Variants in TMCO4 observed in about 807,000 individuals in gnomAD.
The protein encoded by TMCO4 is transmembrane and coiled-coil domains 4, also known as transmembrane and coiled-coil domain-containing protein 4.
TMCO4 carries 58 observed loss-of-function variants against 64.7 expected under a neutral mutation model. The observed-to-expected ratio is 0.90, with a 90% CI of 0.73 to 1.12. The LOEUF is 1.12. Ranked by LOEUF, TMCO4 falls within the 50% of genes most tolerant of loss-of-function variation. The pLI is 0.00. For synonymous variants in TMCO4, 325 were observed against 346.1 expected (o/e 0.94, Z 0.68); for missense variants, 780 against 825.9 (o/e 0.94, Z 0.68).
intron 13 of TMCO4, among the ~76,000 whole-genome samples, chr1:19,735,224 G>A (rs1274270892): frequency 6.6e-6 from 1 of 152,192 alleles, no homozygotes; most frequent in East Asian, 1.9e-4. Flanking sequence ...CATTTACTGA[G>A]TGTACCCAAA....
At chr1:19,699,817 C>A (rs2095259922) in intron 14 of TMCO4, among the ~76,000 whole-genome samples, 1 of 152,216 alleles carries the variant, frequency 6.6e-6, no homozygotes, top group South Asian at 2.1e-4. Context: ...CACACATACA[C>A]ACATGTACAC....
intron 4 of TMCO4, among the ~76,000 whole-genome samples, chr1:19,773,571 G>C (rs1232449318): frequency 1.3e-5 from 2 of 152,174 alleles, no homozygotes; most frequent in African/African-American, 2.4e-5. Context: ...GACAGCTCAG[G>C]GCTGTGCTGG....
chr1:19,694,894 G>C (rs538561063), intron 14 of TMCO4, among the ~76,000 whole-genome samples: 22 of 152,338 alleles, frequency 1.4e-4, no homozygotes, highest in African/African-American at 4.6e-4. Context: ...GAGGAATCTG[G>C]ATAAAGTTCT....
intron 6 of TMCO4, 102 bp from the exon 7 acceptor site, chr1:19,755,868 T>G: frequency 7.3e-7 from 1 of 1,370,514 alleles, no homozygotes; most frequent in South Asian, 1.3e-5. Flanking sequence ...ACAGCCTAAA[T>G]GTACAACCCC....
At chr1:19,797,652 C>T (rs1471834296) in intron 2 of TMCO4, among the ~76,000 whole-genome samples, 3 of 151,978 alleles carry the variant, frequency 2.0e-5, no homozygotes, top group East Asian at 1.9e-4. Flanking sequence ...GGGCAGATCA[C>T]GAGGTCAGGA....
intron 7 of TMCO4, among the ~76,000 whole-genome samples, chr1:19,754,163 T>C (rs1238184895): frequency 6.6e-6 from 1 of 152,236 alleles, no homozygotes; most frequent in Non-Finnish European, 1.5e-5. Context: ...CCTTCTGGTT[T>C]ATATCTTCCC....
chr1:19,778,811 T>A (rs1266446), intron 4 of TMCO4, among the ~76,000 whole-genome samples: 30,144 of 152,100 alleles, frequency 0.2, 3,224 homozygotes, highest in South Asian at 0.34. Flanking sequence ...ATCTTTGCTA[T>A]ACTGAGCTGT....
At chr1:19,777,026 C>CAAAAAAAAAAA (rs59722797) in intron 4 of TMCO4, among the ~76,000 whole-genome samples, 25 of 82,756 alleles carry the variant, frequency 3.0e-4, no homozygotes, top group South Asian at 4.4e-4. Context: ...GACACTGTCT[C>CAAAAAAAAAAA]AAAAAAAAAA....
At chr1:19,697,195 C>T (rs1274263267) in intron 14 of TMCO4, among the ~76,000 whole-genome samples, 1 of 152,190 alleles carries the variant, frequency 6.6e-6, no homozygotes, top group Non-Finnish European at 1.5e-5. Context: ...CTATAGCCAT[C>T]CTTTCAAAAT....
At chr1:19,782,133 A>T (rs1056936739) in intron 3 of TMCO4, among the ~76,000 whole-genome samples, 3 of 152,254 alleles carry the variant, frequency 2.0e-5, no homozygotes, top group Non-Finnish European at 4.4e-5. Flanking sequence ...CTTCATTCAC[A>T]ATAGTCCCAA....
At chr1:19,778,099 G>C (rs1295917467) in intron 4 of TMCO4, among the ~76,000 whole-genome samples, 1 of 152,100 alleles carries the variant, frequency 6.6e-6, no homozygotes, top group Non-Finnish European at 1.5e-5. Flanking sequence ...AGTAAGTGTG[G>C]TATTATCTTC....
At chr1:19,716,165 T>TATTATTATTA (rs148511891) in intron 13 of TMCO4, among the ~76,000 whole-genome samples, 97 of 144,902 alleles carry the variant, frequency 6.7e-4, no homozygotes, top group African/African-American at 2.1e-3. Context: ...TTATTTTTAT[T>TATTATTATTA]TTATTATTAT....
rs74450010 is a variant in TMCO4 at position 19,689,499 on chromosome 1, G to A, written c.1500+4935C>T. 6.3e-3 allele frequency among the ~76,000 whole-genome samples: 959 copies of A among 152,234 alleles called. 6 individuals are homozygous for A. Among genetic ancestry groups the A allele is most frequent in the Non-Finnish European group, 0.011 (752 of 68,018 alleles). On this transcript the variant is annotated intron_variant, in intron 15 of 15. Transcript: ENST00000294543. ...ACATGCGCTGCCCTGGAAGTTAGGC[G>A]TTTCCACCATTTCCTAGATGAGGAC...
chr1:19,704,395 C>T (rs1032083239), intron 13 of TMCO4, among the ~76,000 whole-genome samples: 1 of 152,188 alleles, frequency 6.6e-6, no homozygotes, highest in East Asian at 1.9e-4. Context: ...GAAACAGGGT[C>T]AGAGAGGGGA....
chr1:19,698,184 C>T (rs1487085949), intron 14 of TMCO4, among the ~76,000 whole-genome samples: 4 of 152,212 alleles, frequency 2.6e-5, no homozygotes, highest in African/African-American at 9.6e-5. Context: ...CACAAGGCCT[C>T]GAGCCACCTG....
intron 5 of TMCO4, among the ~76,000 whole-genome samples, chr1:19,770,927 C>G (rs537763908): frequency 6.6e-6 from 1 of 152,314 alleles, no homozygotes; most frequent in African/African-American, 2.4e-5. Context: ...TAGAAGAATG[C>G]GGGCTCTGGA....
At chr1:19,726,439 A>G (rs1045112988) in intron 13 of TMCO4, among the ~76,000 whole-genome samples, 8 of 151,676 alleles carry the variant, frequency 5.3e-5, no homozygotes, top group African/African-American at 1.9e-4. Context: ...ACTCCAGCTT[A>G]GGGGACAGAG....
At position 19,770,536 on chromosome 1, in the gene TMCO4, A is replaced by G. The variant is rs769183725; in HGVS notation, c.382+6T>C. ...ACCATTTACAGAGCTTAGAAAATCA[A>G]CTTACCATCCTTGAGTGAGAAGCTC... On this transcript the variant is annotated splice_donor_region_variant and intron_variant, in intron 6 of 15. Coordinates refer to ENST00000294543, the MANE Select transcript of TMCO4 (RefSeq NM_181719.7). The G allele has an allele frequency of 8.1e-6, 13 of 1,613,810 alleles. No homozygotes were observed. The highest frequency in any genetic ancestry group is 3.3e-4 in the Middle Eastern group (2 of 6,082).
chr1:19,741,921 T>C (rs2095481095), intron 10 of TMCO4, among the ~76,000 whole-genome samples: 1 of 151,940 alleles, frequency 6.6e-6, no homozygotes, highest in Admixed American at 6.6e-5. Flanking sequence ...GTATTTTCAG[T>C]AGAGACGGGG....
Sources: allele counts gnomAD v4.1 joint callset (sites outside exome capture counted in the v4.1 genomes callset), GRCh38; gene constraint gnomAD v4.1.1; transcripts MANE v1.5; gene names NCBI Gene and HGNC (gene_info 2026-07-23, HGNC 2026-07-21).